The following PLCL1 variants were observed in gnomAD, a reference collection of about 807,000 sequenced individuals.
The protein encoded by PLCL1 is phospholipase C like 1 (inactive), also known as inactive phospholipase C-like protein 1.
Under a neutral mutation model 84.4 loss-of-function variants are expected in PLCL1, and 41 were observed. The observed-to-expected ratio is 0.49, with a 90% confidence interval of 0.38 to 0.63. The LOEUF (loss-of-function observed/expected upper bound fraction) is 0.63. PLCL1 is among the 30% of genes least tolerant of loss of function. The pLI is 0.00. For synonymous variants in PLCL1, 490 were observed against 488.3 expected, an observed-to-expected ratio of 1.00 and a Z score of -0.05; for missense variants, 1,206 against 1,367.8, an observed-to-expected ratio of 0.88 and a Z score of 1.87.
chr2:198,018,451 C>A (rs1419855043), intron 1 of PLCL1, among the ~76,000 whole-genome samples: 1 of 152,178 alleles, frequency 6.6e-6, no homozygotes, highest in Non-Finnish European at 1.5e-5. Context: ...GATCCCACCC[C>A]ATGGAACCCA....
intron 1 of PLCL1, among the ~76,000 whole-genome samples, chr2:197,947,361 C>T (rs1458437724): frequency 1.3e-5 from 2 of 151,714 alleles, no homozygotes; most frequent in Non-Finnish European, 2.9e-5. Context: ...TTGGCCCTGT[C>T]CCCAGAGTTT....
chr2:197,928,614 C>A (rs1688876591), intron 1 of PLCL1, among the ~76,000 whole-genome samples: 1 of 152,004 alleles, frequency 6.6e-6, no homozygotes, highest in African/African-American at 2.4e-5. Flanking sequence ...TGGACTGGAT[C>A]CCACAATTCT....
intron 1 of PLCL1, among the ~76,000 whole-genome samples, chr2:198,023,418 G>C (rs984123900): frequency 6.6e-6 from 1 of 152,158 alleles, no homozygotes; most frequent in African/African-American, 2.4e-5. Flanking sequence ...TTAAACTAAA[G>C]AGCTTCTGCA....
chr2:197,882,481 C>T (rs1200662139), intron 1 of PLCL1, among the ~76,000 whole-genome samples: 5 of 152,112 alleles, frequency 3.3e-5, no homozygotes, highest in African/African-American at 1.2e-4. Context: ...ATTTTTTATC[C>T]TTCACAATAG....
chr2:197,878,248 C>T (rs1574927377), intron 1 of PLCL1, among the ~76,000 whole-genome samples: 1 of 152,106 alleles, frequency 6.6e-6, no homozygotes, highest in African/African-American at 2.4e-5. Context: ...GTGCTTAGAT[C>T]AGAAGTTTGG....
intron 4 of PLCL1, among the ~76,000 whole-genome samples, chr2:198,102,945 T>C (rs1196237148): frequency 6.6e-6 from 1 of 152,070 alleles, no homozygotes; most frequent in East Asian, 1.9e-4. Flanking sequence ...GGTGATGGTT[T>C]TCATAATCTT....
intron 1 of PLCL1, among the ~76,000 whole-genome samples, chr2:197,931,555 G>A (rs1688931961): frequency 6.6e-6 from 1 of 151,806 alleles, no homozygotes; most frequent in Non-Finnish European, 1.5e-5. Context: ...GATCTTGGTG[G>A]GGTTCCTGTC....
intron 5 of PLCL1, among the ~76,000 whole-genome samples, chr2:198,138,193 T>C (rs1363706972): frequency 6.6e-6 from 1 of 152,178 alleles, no homozygotes; most frequent in African/African-American, 2.4e-5. Flanking sequence ...TTTGTTTTGT[T>C]TTCTCAGTCC....
intron 5 of PLCL1, among the ~76,000 whole-genome samples, chr2:198,121,731 C>A (rs958832301): frequency 6.6e-6 from 1 of 151,988 alleles, no homozygotes; most frequent in East Asian, 1.9e-4. Flanking sequence ...ATTTGAAGAA[C>A]CTGGCCTACT....
At chr2:197,909,757 T>A (rs1407328440) in intron 1 of PLCL1, among the ~76,000 whole-genome samples, 1 of 152,146 alleles carries the variant, frequency 6.6e-6, no homozygotes, top group Non-Finnish European at 1.5e-5. Flanking sequence ...GCTTATAAAG[T>A]TTATGCTGTC....
chr2:198,089,767 T>C (rs1223845309), intron 3 of PLCL1, among the ~76,000 whole-genome samples: 1 of 152,100 alleles, frequency 6.6e-6, no homozygotes, highest in African/African-American at 2.4e-5. Flanking sequence ...GGACAACCAA[T>C]AGTCTGCTAC....
chr2:197,971,985 G>T (rs1342337854), intron 1 of PLCL1, among the ~76,000 whole-genome samples: 1 of 152,108 alleles, frequency 6.6e-6, no homozygotes, highest in African/African-American at 2.4e-5. Context: ...ATGCATTTTG[G>T]TTATCACAGA....
intron 1 of PLCL1, among the ~76,000 whole-genome samples, chr2:197,867,235 C>T (rs953418827): frequency 7.9e-5 from 12 of 152,230 alleles, no homozygotes; most frequent in East Asian, 1.9e-4. Context: ...CTGATGTGGG[C>T]GGTGATCTCA....
chr2:197,855,403 A>G (rs1687312673), intron 1 of PLCL1, among the ~76,000 whole-genome samples: 1 of 152,142 alleles, frequency 6.6e-6, no homozygotes, highest in Admixed American at 6.6e-5. Context: ...TAATCTGGTC[A>G]TTCACAACAA....
chr2:198,011,262 CCTTTTACTACTG>C (rs890941332), intron 1 of PLCL1, among the ~76,000 whole-genome samples: 10 of 151,756 alleles, frequency 6.6e-5, no homozygotes, highest in African/African-American at 2.4e-4. Context: ...TATGCACTTC[CCTTTTACTACTG>C]CTTTCACTGC....
At chr2:197,916,688 T>C (rs999668873) in intron 1 of PLCL1, among the ~76,000 whole-genome samples, 13 of 151,756 alleles carry the variant, frequency 8.6e-5, no homozygotes, top group African/African-American at 2.9e-4. Context: ...GCATACCAGA[T>C]ACTGCCCAAA....
At chr2:198,099,979 C>T (rs1166526169) in intron 3 of PLCL1, among the ~76,000 whole-genome samples, 3 of 151,930 alleles carry the variant, frequency 2.0e-5, no homozygotes, top group Non-Finnish European at 4.4e-5. Flanking sequence ...TACAAAATTA[C>T]AGAAAAATGA....
At chr2:197,856,327 C>T (rs1490283524) in intron 1 of PLCL1, among the ~76,000 whole-genome samples, 2 of 151,868 alleles carry the variant, frequency 1.3e-5, no homozygotes, top group African/African-American at 4.8e-5. Context: ...AGATAGAAGT[C>T]GAGATAAGTT....
chr2:197,896,873 G>A (rs1297343899), intron 1 of PLCL1, among the ~76,000 whole-genome samples: 1 of 149,280 alleles, frequency 6.7e-6, no homozygotes, highest in Admixed American at 6.7e-5. Flanking sequence ...GGTTCCATGT[G>A]GCCACTGATG....
Sources: gnomAD v4.1 joint callset for allele counts (sites outside exome capture counted in the v4.1 genomes callset) on GRCh38, gnomAD v4.1.1 for gene constraint, MANE v1.5 for transcripts, NCBI Gene and HGNC (gene_info 2026-07-23, HGNC 2026-07-21) for gene names.